RTKN: variants seen among roughly 807,000 people sequenced by gnomAD.
RTKN encodes the protein rhotekin.
Under a neutral mutation model 63.5 loss-of-function variants are expected in RTKN, and 49 were observed. That is an observed-to-expected ratio of 0.77 (90% confidence interval 0.61 to 0.98). RTKN has a LOEUF of 0.98. RTKN is among the 50% of genes least tolerant of loss of function. The probability of loss-of-function intolerance (pLI) is 0.00; values close to 1 mark genes in which losing one functional copy is unlikely to be tolerated. For synonymous variants in RTKN, 295 were observed against 290.4 expected, an observed-to-expected ratio of 1.02 and a Z score of -0.16; for missense variants, 685 against 740.8, an observed-to-expected ratio of 0.92 and a Z score of 0.87.
Position 74,425,914 on chromosome 2 carries a change from G to C in RTKN, c.*329C>G. 1 of 776,076 alleles carries C rather than the reference G, an allele frequency of 1.3e-6. No homozygotes were observed. The highest frequency in any genetic ancestry group is 2.0e-6 in the Non-Finnish European group (1 of 496,072). 48.1% of individuals were successfully genotyped at this position (776,076 alleles called of 1,614,324 possible). A position where few individuals can be genotyped will look rare whatever the true frequency, so the allele number is the denominator to read the frequency against. On this transcript the variant is annotated 3_prime_UTR_variant, in exon 12 of 12. Coordinates refer to ENST00000272430, the MANE Select transcript of RTKN (RefSeq NM_001015055.2). The stretch of plus-strand genomic sequence containing the variant: ...TAAATAACTTTAATGGTTGATGTGG[G>C]AGTCACAAGGGAGGTATGTTTGCTC...
In RTKN at chr2:74,441,868, C is replaced by T. The variant is rs1359077332; in HGVS notation, c.-52G>A. On this transcript the variant is annotated 5_prime_UTR_variant, in exon 1 of 12. Coordinates refer to ENST00000272430, the MANE Select transcript of RTKN (RefSeq NM_001015055.2). ...TCAGTGCGCTCCCCGCGCCGCCCGG[C>T]TTAGCCTCCTCTCCTCGGCTTCTGT... The T allele has an allele frequency of 8.9e-7, 1 of 1,128,278 alleles. No individual in the cohort carries two copies. Among genetic ancestry groups the T allele is most frequent in the Admixed American group, 2.0e-5 (1 of 50,548 alleles). The allele number at this position is 1,128,278 out of a possible 1,614,324, so 69.9% of individuals were successfully genotyped here. A position where few individuals can be genotyped will look rare whatever the true frequency, so the allele number is the denominator to read the frequency against.
At chr2:74,439,656 C>A (rs1166310093) in intron 1 of RTKN, 6 of 1,613,182 alleles carry the variant, frequency 3.7e-6, no homozygotes, top group Non-Finnish European at 5.1e-6. Context: ...CCCTTGTCAA[C>A]CCCTCCAGAG....
rs372159253 is a variant in RTKN, at chr2:74,427,580, G to A, written c.1099C>T (p.Arg367Trp). Residue 367 changes from arginine (R) to tryptophan (W), a missense_variant, in exon 10 of 12, where the codon CGG becomes TGG. Arg to Trp is a moderately radical substitution (Grantham distance 101). Coordinates refer to ENST00000272430, the MANE Select transcript of RTKN (RefSeq NM_001015055.2). ...AGAGCCTGGTCCAGCTCCCCTGCCC[G>A]GACTCGAGTCTCCTGCAGGAGAAAG... ...TIAVNKETRV[R>W]AGELDQALGR... The A allele has an allele frequency of 3.0e-5, 48 of 1,612,078 alleles. No individual in the cohort carries two copies. The South Asian group carries it at 3.5e-4, about 12-fold the overall frequency.
chr2:74,441,733 T>A lies in RTKN; in HGVS notation c.84A>T (p.Arg28=), dbSNP rs1671376557. ...LEMEFKRGRF[R]LSLFSDLPED... is the part of the protein sequence containing the mutation. ...CGGGCAGGTCGCTGAAGAGGCTGAGTCGGAAGCGGCCGCGTTTGAACTCCA... is the reference window on the plus strand; with the variant it reads ...CGGGCAGGTCGCTGAAGAGGCTGAGACGGAAGCGGCCGCGTTTGAACTCCA... Residue 28 remains arginine, a synonymous_variant, in exon 1 of 12, where the codon CGA becomes CGT. Transcript: ENST00000272430. The A allele has an allele frequency of 6.2e-7, 1 of 1,611,292 alleles. No homozygotes were observed. Among genetic ancestry groups the A allele is most frequent in the African/African-American group, 1.3e-5 (1 of 74,854 alleles).
At chr2:74,431,284 G>A (rs532017350) in intron 2 of RTKN, among the ~76,000 whole-genome samples, 1 of 152,064 alleles carries the variant, frequency 6.6e-6, no homozygotes, top group South Asian at 2.1e-4. Context: ...CTGATATGGT[G>A]TACCCTACTA....
At chr2:74,439,444 A>T (rs967121810) in intron 1 of RTKN, 1 of 1,277,368 alleles carries the variant, frequency 7.8e-7, no homozygotes, top group Non-Finnish European at 1.1e-6. Context: ...TTCCCACTTT[A>T]AGCAGGCCTG....
intron 1 of RTKN, 52 bp from the exon 2 acceptor site, chr2:74,432,718 C>A (rs776636083): frequency 1.3e-6 from 2 of 1,533,628 alleles, no homozygotes; most frequent in Non-Finnish European, 1.8e-6. Context: ...AGTGGACAGG[C>A]TAAAGCACTC....
intron 10 of RTKN, 30 bp from the exon 11 acceptor site, chr2:74,427,303 A>C (rs1212523034): frequency 6.2e-7 from 1 of 1,610,508 alleles, no homozygotes; most frequent in East Asian, 2.2e-5. Context: ...TAAAAGAGAG[A>C]GCCAGGCTGC....
chr2:74,438,675 CAAAT>C (rs536705965), intron 1 of RTKN, among the ~76,000 whole-genome samples: 101 of 152,342 alleles, frequency 6.6e-4, no homozygotes, highest in African/African-American at 2.4e-3. Flanking sequence ...CTCTTTCCCA[CAAAT>C]ATATTACCCT....
At chr2:74,438,418 T>C (rs1365894297) in intron 1 of RTKN, among the ~76,000 whole-genome samples, 1 of 152,104 alleles carries the variant, frequency 6.6e-6, no homozygotes, top group Non-Finnish European at 1.5e-5. Context: ...CTGGTGGACA[T>C]TTGCGAACTC....
intron 1 of RTKN, 88 bp downstream of exon 1, chr2:74,441,618 G>A: frequency 2.2e-6 from 2 of 919,870 alleles, no homozygotes; most frequent in Non-Finnish European, 1.7e-6. Flanking sequence ...GCCCCTCGGC[G>A]TGCACGCGGG....
Position 74,428,269 on chromosome 2 carries a change from T to C in RTKN, c.1085A>G (p.Lys362Arg), listed in dbSNP as rs770036268. Residue 362 changes from lysine (K) to arginine (R), a missense_variant and splice_region_variant, in exon 9 of 12, where the codon AAG (lysine) becomes AGG (arginine). By Grantham distance (26) the Lys-to-Arg change is conservative (BLOSUM62 2). Transcript: ENST00000272430. ...CCTTACTACCAAGGGACCCATCACC[T>C]TGTTGACAGCAATAGTAAGCAGCGG... Reference protein sequence around the residue: ...EEPLLTIAVNKETRVRAGELD... With the variant: ...EEPLLTIAVNRETRVRAGELD... 4.3e-6 allele frequency: 7 copies of C among 1,614,176 alleles called. No individual in the cohort carries two copies. The highest frequency in any genetic ancestry group is 5.9e-6 in the Non-Finnish European group (7 of 1,180,022).
chr2:74,441,736 G>C lies in RTKN; in HGVS notation c.81C>G (p.Phe27Leu), dbSNP rs373486051. The C allele has an allele frequency of 1.1e-5, 18 of 1,611,604 alleles. No individual in the cohort carries two copies. The highest frequency in any genetic ancestry group is 1.7e-5 in the Admixed American group (1 of 59,906). ...GCAGGTCGCTGAAGAGGCTGAGTCGGAAGCGGCCGCGTTTGAACTCCATCT... is the reference window on the plus strand; with the variant it reads ...GCAGGTCGCTGAAGAGGCTGAGTCGCAAGCGGCCGCGTTTGAACTCCATCT... ...ALEMEFKRGR[F>L]RLSLFSDLPE... is the part of the protein sequence containing the mutation. Residue 27 changes from phenylalanine to leucine, a missense_variant, in exon 1 of 12, where the codon TTC (phenylalanine) becomes TTG (leucine). Transcript: ENST00000272430.
Position 74,441,840 on chromosome 2 carries a change from T to A in RTKN, c.-24A>T, listed in dbSNP as rs201926129. The A allele has an allele frequency of 1.0e-5, 15 of 1,487,338 alleles. No homozygotes were observed. The highest frequency in any genetic ancestry group is 1.4e-5 in the Non-Finnish European group (15 of 1,075,426). 92.1% of individuals were successfully genotyped at this position (1,487,338 alleles called of 1,614,324 possible). On this transcript the variant is annotated 5_prime_UTR_variant, in exon 1 of 12. Coordinates refer to ENST00000272430, the MANE Select transcript of RTKN (RefSeq NM_001015055.2). ...ATGCTGGCGGCCCTGCGACTTTGCC[T>A]GCTCAGTGCGCTCCCCGCGCCGCCC...
chr2:74,438,014 C>A (rs769097941), intron 1 of RTKN, among the ~76,000 whole-genome samples: 4 of 152,062 alleles, frequency 2.6e-5, no homozygotes, highest in Non-Finnish European at 5.9e-5. Flanking sequence ...TAAAGAGTGC[C>A]AAAATTGACC....
Position 74,425,923 on chromosome 2 carries a change from G to C in RTKN, c.*320C>G, listed in dbSNP as rs566374854. ...TTAATGGTTGATGTGGGAGTCACAA[G>C]GGAGGTATGTTTGCTCCAAGGGTTC... On this transcript the variant is annotated 3_prime_UTR_variant, in exon 12 of 12. Transcript: ENST00000272430. 1.1e-5 allele frequency: 8 copies of C among 751,100 alleles called. No individual in the cohort carries two copies. In the African/African-American group the frequency reaches 1.2e-4, roughly 12 times the overall value. The allele number at this position is 751,100 out of a possible 1,614,324, so 46.5% of individuals were successfully genotyped here.
rs370770993 is a variant in RTKN at position 74,428,756 on chromosome 2, C to T, written c.851-19G>A. 24 of 1,611,160 alleles carry T rather than the reference C, an allele frequency of 1.5e-5. No homozygotes were observed. The Middle Eastern group carries it at 4.9e-4, about 33-fold the overall frequency. ...TTCTCCTCTGGGGGAGGAGGAAGTG[C>T]AGGGTGAGGTAGGGGAATGAGAAGG... On this transcript the variant is annotated intron_variant, in intron 7 of 11. Coordinates refer to ENST00000272430, the MANE Select transcript of RTKN (RefSeq NM_001015055.2).
Position 74,426,383 on chromosome 2 carries a change from T to C in RTKN, c.1552A>G (p.Thr518Ala). Residue 518 changes from threonine (T) to alanine (A), a missense_variant, in exon 12 of 12, where the codon ACC (threonine) becomes GCC (alanine). Coordinates refer to ENST00000272430, the MANE Select transcript of RTKN (RefSeq NM_001015055.2). ...GGGGGGACAGCATCCAGGGAAAAGG[T>C]TCGGGGTCTCCCCCAGGGCAGGGGG... ...THPLPWGRPR[T>A]FSLDAVPPDH... 3.7e-6 allele frequency: 6 copies of C among 1,611,296 alleles called. No homozygotes were observed. The highest frequency in any genetic ancestry group is 5.1e-6 in the Non-Finnish European group (6 of 1,178,692).
rs747201891 is a variant in RTKN at position 74,427,414 on chromosome 2, TCTCTCTTACTC to T, written c.1254_1255+9del. 1 of 1,613,760 alleles carries T rather than the reference TCTCTCTTACTC, an allele frequency of 6.2e-7. No individual in the cohort carries two copies. The highest frequency in any genetic ancestry group is 1.3e-5 in the African/African-American group (1 of 74,990). ...TCCCAAAGGTTCAACCCAGCCCCCT[TCTCTCTTACTC>T]ATGTCAAAGAAAAGCTGCCACAGAG... is the stretch of plus-strand genomic sequence containing the variant. On this transcript the variant is annotated splice_donor_variant and splice_donor_5th_base_variant and coding_sequence_variant and intron_variant, in exon 10 of 12. Coordinates refer to ENST00000272430, the MANE Select transcript of RTKN (RefSeq NM_001015055.2). LOFTEE classifies it high-confidence loss of function.
Sources: gnomAD v4.1 joint callset for allele counts (sites outside exome capture counted in the v4.1 genomes callset) on GRCh38, gnomAD v4.1.1 for gene constraint, MANE v1.5 for transcripts, NCBI Gene and HGNC (gene_info 2026-07-23, HGNC 2026-07-21) for gene names.